WDR47: variants seen among roughly 807,000 people sequenced by gnomAD.
WDR47 encodes WD repeat domain 47, also known as WD repeat-containing protein 47.
Under a neutral mutation model 97.2 loss-of-function variants are expected in WDR47, and 32 were observed. The ratio of observed to expected loss-of-function variants is 0.33; its 90% confidence interval spans 0.25 to 0.44. The LOEUF (loss-of-function observed/expected upper bound fraction) is 0.44, where lower values mean the gene tolerates loss of function less well. WDR47 is among the 20% of genes least tolerant of loss of function. The pLI is 1.00. For synonymous variants in WDR47, 375 were observed against 373.5 expected (o/e 1.00, Z -0.05); for missense variants, 782 against 1,102.3 (o/e 0.71, Z 4.11).
intron 1 of WDR47, among the ~76,000 whole-genome samples, chr1:109,036,305 G>C (rs751107529): frequency 6.6e-6 from 1 of 152,096 alleles, no homozygotes; most frequent in East Asian, 1.9e-4. Context: ...CAGGCGCGGT[G>C]GCTCACATCT....
rs540644840 is a variant in WDR47 at position 108,983,817 on chromosome 1, A to G, written c.1926-366T>C. Reference sequence around the variant, plus strand: ...AAAATGCAATAAGCATGTAATAAACATATAATAAACACATAATAAACATGT... The same window carrying G: ...AAAATGCAATAAGCATGTAATAAACGTATAATAAACACATAATAAACATGT... On this transcript the variant is annotated intron_variant, in intron 10 of 14. Coordinates refer to ENST00000369962, the MANE Select transcript of WDR47 (RefSeq NM_001142551.2). 3.3e-5 allele frequency among the ~76,000 whole-genome samples: 5 copies of G among 152,226 alleles called. No homozygotes were observed. In the East Asian group the frequency reaches 9.6e-4, roughly 29 times the overall value.
At chr1:109,007,099 G>C (rs1660682666) in intron 5 of WDR47, among the ~76,000 whole-genome samples, 1 of 151,528 alleles carries the variant, frequency 6.6e-6, no homozygotes. Flanking sequence ...CACCATGCTT[G>C]GCTAATATTT....
chr1:109,025,798 C>A (rs1662172585), intron 1 of WDR47, among the ~76,000 whole-genome samples: 2 of 151,950 alleles, frequency 1.3e-5, no homozygotes, highest in African/African-American at 4.8e-5. Context: ...GGACAAACCA[C>A]AGAAAAATAA....
chr1:109,017,489 G>A (rs779182350), intron 3 of WDR47, 29 bp downstream of exon 3: 11 of 1,558,562 alleles, frequency 7.1e-6, no homozygotes, highest in Non-Finnish European at 9.7e-6. Flanking sequence ...CCAATGATGA[G>A]ACACTAAAAA....
At chr1:108,997,483 G>T (rs149614681) in intron 7 of WDR47, among the ~76,000 whole-genome samples, 2 of 151,474 alleles carry the variant, frequency 1.3e-5, no homozygotes, top group African/African-American at 4.8e-5. Context: ...AGGGCTGGGC[G>T]CGGTGGCTCA....
intron 5 of WDR47, among the ~76,000 whole-genome samples, chr1:109,007,217 T>C (rs1038723526): frequency 1.5e-5 from 2 of 136,186 alleles, no homozygotes; most frequent in African/African-American, 5.5e-5. Context: ...TTTAAATGTA[T>C]ACTCAAAAAA....
chr1:109,021,148 C>T (rs1661808060), intron 2 of WDR47, among the ~76,000 whole-genome samples: 1 of 152,208 alleles, frequency 6.6e-6, no homozygotes. Context: ...ATATATTTAG[C>T]TTTCCATTTT....
chr1:108,995,655 T>C lies in WDR47; in HGVS notation c.1616A>G (p.His539Arg), dbSNP rs757990160. 2.0e-5 allele frequency: 32 copies of C among 1,614,020 alleles called. No individual in the cohort carries two copies. The highest frequency in any genetic ancestry group is 2.7e-5 in the Non-Finnish European group (32 of 1,179,996). Residue 539 changes from histidine to arginine, a missense_variant, in exon 8 of 15, where the codon CAT (histidine) becomes CGT (arginine). Physicochemically the swap from His to Arg is conservative, Grantham distance 29 (BLOSUM62 0). Coordinates refer to ENST00000369962, the MANE Select transcript of WDR47 (RefSeq NM_001142551.2). ...TCCAGGATTACGAGGAGTGCTTGTA[T>C]GAATATTTGAAGCATCATGTGTTAA... ...QRLTHDASNIHTSTPRNPGST... is the reference protein window; with the variant it reads ...QRLTHDASNIRTSTPRNPGST...
At chr1:109,024,319 T>C (rs933737524) in intron 1 of WDR47, among the ~76,000 whole-genome samples, 13 of 152,020 alleles carry the variant, frequency 8.6e-5, no homozygotes, top group Non-Finnish European at 1.8e-4. Context: ...CAGGGCAAGA[T>C]GGTGTGTGTC....
intron 1 of WDR47, among the ~76,000 whole-genome samples, chr1:109,027,563 A>G (rs1224949341): frequency 2.0e-5 from 3 of 151,192 alleles, no homozygotes; most frequent in Non-Finnish European, 2.9e-5. Flanking sequence ...TTGCTCTGTC[A>G]CCCAGGCAAG....
Position 109,010,886 on chromosome 1 carries a change from A to T in WDR47, c.1130+30T>A. On this transcript the variant is annotated intron_variant, in intron 5 of 14. Coordinates refer to ENST00000369962, the MANE Select transcript of WDR47 (RefSeq NM_001142551.2). ...CATAAGCCACTGCACCCGGCCTAAG[A>T]TTTCCTAATTTTTATAACCAAATGC... 2 of 1,577,976 alleles carry T rather than the reference A, an allele frequency of 1.3e-6. 1 individual carries two copies. Among genetic ancestry groups the T allele is most frequent in the Middle Eastern group, 3.4e-4 (2 of 5,862 alleles).
intron 7 of WDR47, among the ~76,000 whole-genome samples, chr1:108,997,375 C>CAAGGCTGCAATGGGCCGT (rs1659831055): frequency 1.4e-5 from 2 of 146,696 alleles, no homozygotes; most frequent in African/African-American, 5.1e-5. Flanking sequence ...CCCAGGAGGT[C>CAAGGCTGCAATGGGCCGT]AAGGCTGCAA....
intron 1 of WDR47, chr1:109,030,356 A>C: frequency 1.7e-6 from 1 of 574,330 alleles, no homozygotes; most frequent in Non-Finnish European, 2.9e-6. Flanking sequence ...AAACCATCTC[A>C]ATAAGCACAT....
At position 108,970,538 on chromosome 1, in the gene WDR47, C is replaced by T. The variant is rs1244642036; in HGVS notation, c.*892G>A. 5 of 152,506 alleles carry T rather than the reference C, an allele frequency of 3.3e-5. No individual in the cohort carries two copies. Among genetic ancestry groups the T allele is most frequent in the Non-Finnish European group, 5.9e-5 (4 of 68,004 alleles). The allele number at this position is 152,506 out of a possible 1,614,324, so 9.4% of individuals were successfully genotyped here. On this transcript the variant is annotated 3_prime_UTR_variant, in exon 15 of 15. Transcript: ENST00000369962. ...TTTGGAGTGCAAAGTTTAAATCTTC[C>T]ATTTTAAATTATCATGCAGACATAG...
Position 109,023,776 on chromosome 1 carries a change from T to C in WDR47, c.-9-255A>G, listed in dbSNP as rs1454868635. Among the ~76,000 whole-genome samples the C allele has an allele frequency of 3.3e-5, 5 of 152,176 alleles. 1 individual carries two copies. Among genetic ancestry groups the C allele is most frequent in the Middle Eastern group, 6.3e-3 (2 of 316 alleles). ...ATTAAATGATATAAACTTTGTGATT[T>C]ACATGAAAATAATAGAAGAGAAGAG... On this transcript the variant is annotated intron_variant, in intron 1 of 14. Transcript: ENST00000369962.
At chr1:109,001,349 G>C (rs914388759) in intron 7 of WDR47, among the ~76,000 whole-genome samples, 1 of 151,898 alleles carries the variant, frequency 6.6e-6, no homozygotes, top group African/African-American at 2.4e-5. Flanking sequence ...AAACACACAC[G>C]TGTGTGTATA....
Position 109,011,065 on chromosome 1 carries a change from A to G in WDR47, c.981T>C (p.His327=), listed in dbSNP as rs755862887. 6.2e-7 allele frequency: 1 copy of G among 1,614,146 alleles called. No individual in the cohort carries two copies. The highest frequency in any genetic ancestry group is 8.5e-7 in the Non-Finnish European group (1 of 1,180,032). The change falls in exon 5 of 15, where the codon CAT becomes CAC. Residue 327 remains histidine, a synonymous_variant. Coordinates refer to ENST00000369962, the MANE Select transcript of WDR47 (RefSeq NM_001142551.2). ...TTCCAAGGTCTGAAATTCTCTTATC[A>G]TGACTGGTTAGTCCACAGGTGAGGC... ...LDGLTCGLTS[H]DKRISDLGNK... is the part of the protein sequence containing the mutation.
chr1:108,997,000 C>T (rs137876141), intron 7 of WDR47, among the ~76,000 whole-genome samples: 2,167 of 152,042 alleles, frequency 0.014, 63 homozygotes, highest in African/African-American at 0.05. Context: ...CCTGTAATCC[C>T]AGCTACTTGG....
Position 108,999,548 on chromosome 1 carries a change from A to G in WDR47, c.1433+2676T>C, listed in dbSNP as rs1030377206. Among the ~76,000 whole-genome samples, 4 of 151,946 alleles carry G rather than the reference A, an allele frequency of 2.6e-5. 1 individual carries two copies. The highest frequency in any genetic ancestry group is 9.7e-5 in the African/African-American group (4 of 41,360). On this transcript the variant is annotated intron_variant, in intron 7 of 14. Transcript: ENST00000369962. ...GTGAAACTTCATCTCTACAAAAAAT[A>G]TAAAAATTAGCTGCTTGTGGTGGCT...
Sources: gnomAD v4.1 joint callset for allele counts (sites outside exome capture counted in the v4.1 genomes callset) on GRCh38, gnomAD v4.1.1 for gene constraint, MANE v1.5 for transcripts, NCBI Gene and HGNC (gene_info 2026-07-23, HGNC 2026-07-21) for gene names.